The following PAIP2 variants were observed in gnomAD, a reference collection of about 807,000 sequenced individuals.
PAIP2 encodes the protein polyadenylate-binding protein-interacting protein 2.
PAIP2 carries 7 observed loss-of-function variants against 14.8 expected under a neutral mutation model. The ratio of observed to expected loss-of-function variants is 0.47; its 90% CI spans 0.27 to 0.89. The LOEUF (loss-of-function observed/expected upper bound fraction) is 0.89, where lower values mean the gene tolerates loss of function less well. Ranked by LOEUF, PAIP2 falls within the 40% of genes least tolerant of loss-of-function variation. PAIP2 has a pLI of 0.13. For missense variants in PAIP2, 122 were observed against 154.7 expected, an observed-to-expected ratio of 0.79 and a Z score of 1.12; for synonymous variants, 47 against 45.3, an observed-to-expected ratio of 1.04 and a Z score of -0.15.
chr5:139,359,001 G>A (rs1756995783), intron 1 of PAIP2, among the ~76,000 whole-genome samples: 1 of 152,104 alleles, frequency 6.6e-6, no homozygotes, highest in South Asian at 2.1e-4. Context: ...TTGAGACGAG[G>A]TCTTGCTCTG....
chr5:139,350,348 A>G (rs1275644462), intron 1 of PAIP2, among the ~76,000 whole-genome samples: 1 of 151,764 alleles, frequency 6.6e-6, no homozygotes, highest in Non-Finnish European at 1.5e-5. Context: ...AATAGAAATC[A>G]CAGGCCAGGG....
At chr5:139,346,306 A>G (rs1167848558) in intron 1 of PAIP2, among the ~76,000 whole-genome samples, 2 of 152,314 alleles carry the variant, frequency 1.3e-5, no homozygotes, top group Non-Finnish European at 2.9e-5. Context: ...CAGTGGCGCA[A>G]TCTTGGCTCA....
rs1014546602 is a variant in PAIP2, at chr5:139,368,832, A to C, written c.*34A>C. 3.5e-6 allele frequency: 5 copies of C among 1,435,804 alleles called. No homozygotes were observed. Among genetic ancestry groups the C allele is most frequent in the Non-Finnish European group, 4.9e-6 (5 of 1,018,242 alleles). 88.9% of individuals were successfully genotyped at this position (1,435,804 alleles called of 1,614,324 possible). Reference sequence around the variant, plus strand: ...GGCCCTCTTTTGGTGGATGTAGCACAATTTCCACACTGTGAAGGCAGTATT... The same window carrying C: ...GGCCCTCTTTTGGTGGATGTAGCACCATTTCCACACTGTGAAGGCAGTATT... On this transcript the variant is annotated 3_prime_UTR_variant, in exon 4 of 4. Transcript: ENST00000265192.
intron 1 of PAIP2, among the ~76,000 whole-genome samples, chr5:139,344,109 T>G (rs1756466083): frequency 6.6e-6 from 1 of 152,218 alleles, no homozygotes; most frequent in Non-Finnish European, 1.5e-5. Flanking sequence ...TATTAACTAA[T>G]TTGATCCACA....
intron 1 of PAIP2, among the ~76,000 whole-genome samples, chr5:139,358,982 A>G (rs1234484973): frequency 6.6e-6 from 1 of 152,078 alleles, no homozygotes; most frequent in Admixed American, 6.6e-5. Context: ...AAAACAGTAA[A>G]TTCTTTTTTT....
chr5:139,355,158 GTCTC>G (rs988144797), intron 1 of PAIP2, among the ~76,000 whole-genome samples: 37 of 133,482 alleles, frequency 2.8e-4, no homozygotes, highest in African/African-American at 9.6e-4. Context: ...ATTTCTATTT[GTCTC>G]TCTCTTTTTT....
chr5:139,365,851 A>G (rs2152055996), intron 3 of PAIP2, among the ~76,000 whole-genome samples: 1 of 152,266 alleles, frequency 6.6e-6, no homozygotes, highest in East Asian at 1.9e-4. Context: ...AAACACACAC[A>G]ATATTATCAT....
rs140209943 is a variant in PAIP2, at chr5:139,357,886, G to A, written c.-26-5873G>A. On this transcript the variant is annotated intron_variant, in intron 1 of 3. Coordinates refer to ENST00000265192, the MANE Select transcript of PAIP2 (RefSeq NM_016480.5). ...CCTCCAACTTGTACCAAGAATGCAG[G>A]CTATTGTCTTCAAGGCTTACCAAGC... Among the ~76,000 whole-genome samples the A allele has an allele frequency of 6.1e-3, 925 of 152,250 alleles. 8 individuals carry two copies. Among genetic ancestry groups the A allele is most frequent in the African/African-American group, 0.021 (885 of 41,542 alleles).
chr5:139,360,173 G>T (rs1757027705), intron 1 of PAIP2, among the ~76,000 whole-genome samples: 1 of 151,610 alleles, frequency 6.6e-6, no homozygotes, highest in Non-Finnish European at 1.5e-5. Context: ...CACCATATTG[G>T]CCAGGCTGGT....
intron 1 of PAIP2, among the ~76,000 whole-genome samples, chr5:139,348,973 G>A (rs948218876): frequency 6.6e-6 from 1 of 152,216 alleles, no homozygotes; most frequent in African/African-American, 2.4e-5. Flanking sequence ...ACTGTGCATG[G>A]CCTGAGTGAT....
rs191845778 is a variant in PAIP2 at position 139,348,818 on chromosome 5, C to T, written c.-27+6838C>T. On this transcript the variant is annotated intron_variant, in intron 1 of 3. Coordinates refer to ENST00000265192, the MANE Select transcript of PAIP2 (RefSeq NM_016480.5). ...TCAGCCTCCCCAGTAGCTGGGATTA[C>T]AGGTGCCTGCCACCACACCCAGCTA... 7.8e-3 allele frequency among the ~76,000 whole-genome samples: 1,185 copies of T among 152,004 alleles called. 16 individuals carry two copies. The highest frequency in any genetic ancestry group is 0.025 in the African/African-American group (1,033 of 41,438).
intron 1 of PAIP2, among the ~76,000 whole-genome samples, chr5:139,360,053 A>G (rs1757024880): frequency 6.6e-6 from 1 of 151,840 alleles, no homozygotes; most frequent in African/African-American, 2.4e-5. Context: ...TGCAACCTCC[A>G]CCTCTCAGGT....
chr5:139,349,557 A>G (rs940205982), intron 1 of PAIP2, among the ~76,000 whole-genome samples: 1 of 152,182 alleles, frequency 6.6e-6, no homozygotes, highest in Non-Finnish European at 1.5e-5. Context: ...CTTGGAGTAC[A>G]TTTTTAATTG....
Position 139,363,825 on chromosome 5 carries a change from T to G in PAIP2, c.41T>G (p.Ile14Ser). 6.2e-7 allele frequency: 1 copy of G among 1,614,078 alleles called. No homozygotes were observed. Among genetic ancestry groups the G allele is most frequent in the Non-Finnish European group, 8.5e-7 (1 of 1,179,926 alleles). The change falls in exon 2 of 4, where the codon ATC (isoleucine) becomes AGC (serine). Residue 14 changes from isoleucine to serine, a missense_variant. Coordinates refer to ENST00000265192, the MANE Select transcript of PAIP2 (RefSeq NM_016480.5). ...CGCAGCAGTACTAGCCCAAGCATCA[T>G]CAATGAAGATGTGATTATTAACGGT... ...PSRSSTSPSI[I>S]NEDVIINGHS...
At chr5:139,347,737 TATA>T (rs1332059916) in intron 1 of PAIP2, among the ~76,000 whole-genome samples, 1 of 151,634 alleles carries the variant, frequency 6.6e-6, no homozygotes, top group Non-Finnish European at 1.5e-5. Context: ...AAACTTAAAG[TATA>T]ATAATAATTT....
intron 1 of PAIP2, among the ~76,000 whole-genome samples, chr5:139,362,701 C>T (rs1199177883): frequency 3.3e-5 from 5 of 151,940 alleles, no homozygotes; most frequent in South Asian, 2.1e-4. Context: ...TGAGCCACCG[C>T]GCCTGGCCTT....
intron 1 of PAIP2, 132 bp from the exon 2 acceptor site, chr5:139,363,627 C>A: frequency 1.5e-6 from 1 of 681,822 alleles, no homozygotes; most frequent in Non-Finnish European, 2.4e-6. Context: ...GAGGCTGAGG[C>A]AAGAGATCGA....
chr5:139,348,678 CTT>C (rs761015051), intron 1 of PAIP2, among the ~76,000 whole-genome samples: 40 of 127,402 alleles, frequency 3.1e-4, no homozygotes, highest in Non-Finnish European at 2.7e-4. Flanking sequence ...ATCTTTGTAT[CTT>C]TTTTTTTTTT....
intron 1 of PAIP2, among the ~76,000 whole-genome samples, chr5:139,352,183 C>T (rs1361265612): frequency 7.2e-6 from 1 of 139,216 alleles, no homozygotes; most frequent in African/African-American, 2.6e-5. Flanking sequence ...AAAAAAAAAA[C>T]ACCAAAACAC....
Sources: allele counts gnomAD v4.1 joint callset (sites outside exome capture counted in the v4.1 genomes callset), GRCh38; gene constraint gnomAD v4.1.1; transcripts MANE v1.5; gene names NCBI Gene and HGNC (gene_info 2026-07-23, HGNC 2026-07-21).